Variants in GNB5 observed in about 807,000 individuals in gnomAD.
The protein encoded by GNB5 is G protein subunit beta 5, also known as guanine nucleotide-binding protein subunit beta-5.
In GNB5, 37 loss-of-function variants were observed where a neutral mutation model predicts 55.3. That is an observed-to-expected ratio of 0.67 (90% confidence interval 0.51 to 0.88). GNB5 has a LOEUF of 0.88. Ranked by LOEUF, GNB5 falls within the 40% of genes least tolerant of loss-of-function variation. The pLI, the probability that GNB5 is intolerant of heterozygous loss-of-function variation, is 0.00. For synonymous variants in GNB5, 219 were observed against 198.5 expected (o/e 1.10, Z -0.87); for missense variants, 476 against 515.3 (o/e 0.92, Z 0.74).
intron 6 of GNB5, among the ~76,000 whole-genome samples, chr15:52,146,439 C>T (rs2033978134): frequency 6.6e-6 from 1 of 152,164 alleles, no homozygotes; most frequent in Non-Finnish European, 1.5e-5. Flanking sequence ...AATCTTGATG[C>T]CCTTTTCACA....
chr15:52,157,493 C>G (rs2034238351), intron 3 of GNB5, among the ~76,000 whole-genome samples: 1 of 152,112 alleles, frequency 6.6e-6, no homozygotes, highest in African/African-American at 2.4e-5. Flanking sequence ...ATCAACCCAC[C>G]TCCACCTCCC....
intron 1 of GNB5, among the ~76,000 whole-genome samples, chr15:52,187,685 A>G (rs1384619270): frequency 6.6e-6 from 1 of 152,226 alleles, no homozygotes; most frequent in African/African-American, 2.4e-5. Context: ...GTGGTGGCTC[A>G]TGCCTGTAAT....
At chr15:52,126,551 A>G (rs541636951) in intron 10 of GNB5, among the ~76,000 whole-genome samples, 1 of 152,288 alleles carries the variant, frequency 6.6e-6, no homozygotes, top group South Asian at 2.1e-4. Context: ...TTAAAAGAGA[A>G]CTTCAAAAAA....
At chr15:52,127,374 A>C (rs1386861141) in intron 10 of GNB5, among the ~76,000 whole-genome samples, 1 of 152,150 alleles carries the variant, frequency 6.6e-6, no homozygotes, top group Non-Finnish European at 1.5e-5. Context: ...CCTCTTCTTT[A>C]ATTGGAGTGT....
chr15:52,163,901 G>T (rs1486284307), intron 3 of GNB5, among the ~76,000 whole-genome samples: 1 of 152,160 alleles, frequency 6.6e-6, no homozygotes, highest in Admixed American at 6.5e-5. Flanking sequence ...TTGCTGTTTT[G>T]CAGCCTTCAC....
intron 7 of GNB5, chr15:52,140,001 C>A: frequency 8.2e-7 from 1 of 1,214,418 alleles, no homozygotes; most frequent in South Asian, 1.4e-5. Context: ...TTGGCCACTG[C>A]ACCAGTCAGT....
At chr15:52,125,208 C>G (rs2033391172) in intron 11 of GNB5, 1 of 152,580 alleles carries the variant, frequency 6.6e-6, no homozygotes, top group Non-Finnish European at 1.5e-5. Context: ...TGACATGATC[C>G]TTCTGGAGCT....
chr15:52,156,493 A>G (rs2034209679), intron 3 of GNB5, among the ~76,000 whole-genome samples: 1 of 152,240 alleles, frequency 6.6e-6, no homozygotes, highest in South Asian at 2.1e-4. Context: ...GCACTTTGGG[A>G]GGCCAAGGTA....
chr15:52,147,819 G>C (rs1352575425), intron 5 of GNB5, among the ~76,000 whole-genome samples: 1 of 152,196 alleles, frequency 6.6e-6, no homozygotes, highest in East Asian at 1.9e-4. Flanking sequence ...CTGACTTCAA[G>C]TGATCTGCTC....
chr15:52,173,369 C>A (rs2034589152), intron 3 of GNB5, among the ~76,000 whole-genome samples: 1 of 152,210 alleles, frequency 6.6e-6, no homozygotes, highest in South Asian at 2.1e-4. Context: ...GCCACCGTGC[C>A]CAGCACATTT....
intron 10 of GNB5, 119 bp downstream of exon 10, chr15:52,128,077 T>C (rs2033473285): frequency 3.3e-6 from 2 of 610,022 alleles, no homozygotes; most frequent in African/African-American, 1.9e-5. Context: ...AATATTCCCC[T>C]AAATTTTCTT....
chr15:52,179,257 T>C (rs2034712817), intron 3 of GNB5, among the ~76,000 whole-genome samples: 1 of 151,962 alleles, frequency 6.6e-6, no homozygotes, highest in African/African-American at 2.4e-5. Flanking sequence ...GCCCCAAGGA[T>C]AGGGGAGAGG....
At chr15:52,157,600 A>G (rs541699602) in intron 3 of GNB5, among the ~76,000 whole-genome samples, 8 of 152,238 alleles carry the variant, frequency 5.3e-5, no homozygotes, top group Admixed American at 5.2e-4. Flanking sequence ...TATTGTATTT[A>G]GTATTTTACT....
intron 3 of GNB5, among the ~76,000 whole-genome samples, chr15:52,159,849 G>C (rs776828036): frequency 1.3e-5 from 2 of 152,162 alleles, no homozygotes; most frequent in African/African-American, 2.4e-5. Context: ...GAACAGGGTT[G>C]ACTCCGCTGG....
intron 3 of GNB5, among the ~76,000 whole-genome samples, chr15:52,167,922 A>T (rs1056786098): frequency 1.1e-4 from 17 of 152,338 alleles, no homozygotes; most frequent in African/African-American, 3.8e-4. Flanking sequence ...CCTCGATAAG[A>T]CAGAGAAAAG....
chr15:52,141,085 C>G (rs1206605792), intron 7 of GNB5, 55 bp downstream of exon 7: 60 of 1,555,044 alleles, frequency 3.9e-5, no homozygotes, highest in Non-Finnish European at 5.1e-5. Flanking sequence ...CTCCTCTCAG[C>G]TCCTCTTTAG....
chr15:52,179,962 CCGGCCCCGAGCACCGCCCCG>C, intron 2 of GNB5, 83 bp from the exon 3 acceptor site: 1 of 1,399,110 alleles, frequency 7.1e-7, no homozygotes, highest in Non-Finnish European at 9.3e-7. Context: ...GCAGCCGTCC[CCGGCCCCGAGCACCGCCCCG>C]CGGCCCCGCC....
intron 3 of GNB5, among the ~76,000 whole-genome samples, chr15:52,162,310 T>G (rs2034352952): frequency 6.6e-6 from 1 of 152,250 alleles, no homozygotes; most frequent in Admixed American, 6.5e-5. Context: ...AGGGAATACT[T>G]TTGTTATTTA....
At chr15:52,136,139 CA>C (rs2033710888) in intron 7 of GNB5, among the ~76,000 whole-genome samples, 1 of 132,560 alleles carries the variant, frequency 7.5e-6, no homozygotes, top group Admixed American at 7.3e-5. Context: ...CACACACACA[CA>C]CACACACACA....
Sources: gnomAD v4.1 joint callset for allele counts (sites outside exome capture counted in the v4.1 genomes callset) on GRCh38, gnomAD v4.1.1 for gene constraint, MANE v1.5 for transcripts, NCBI Gene and HGNC (gene_info 2026-07-23, HGNC 2026-07-21) for gene names.